The following NCOA7 variants were observed in gnomAD, a reference collection of about 807,000 sequenced individuals.
NCOA7 encodes the protein 140 kDa estrogen receptor-associated protein.
Under a neutral mutation model 104.3 loss-of-function variants are expected in NCOA7, and 45 were observed. The observed-to-expected ratio is 0.43, with a 90% confidence interval of 0.34 to 0.55. The LOEUF (loss-of-function observed/expected upper bound fraction) is 0.55. Among genes scored for constraint, NCOA7 ranks in the 20% least tolerant of loss-of-function variants. NCOA7 has a pLI of 0.02. For synonymous variants in NCOA7, 398 were observed against 402.3 expected (o/e 0.99, Z 0.13); for missense variants, 1,041 against 1,119.7 (o/e 0.93, Z 1.00).
intron 3 of NCOA7, among the ~76,000 whole-genome samples, chr6:125,874,249 C>T (rs1199909380): frequency 2.0e-5 from 3 of 152,122 alleles, no homozygotes; most frequent in Non-Finnish European, 4.4e-5. Flanking sequence ...TGCTTGAACC[C>T]GGGAGACAGA....
At chr6:125,811,635 G>C (rs1213968470) in intron 1 of NCOA7, among the ~76,000 whole-genome samples, 1 of 152,082 alleles carries the variant, frequency 6.6e-6, no homozygotes, top group African/African-American at 2.4e-5. Flanking sequence ...AGACGCCCAG[G>C]GGGTTCAAAC....
Position 125,928,678 on chromosome 6 carries a change from A to G in NCOA7, c.2736A>G (p.Gly912=), listed in dbSNP as rs1788262666. 1.9e-6 allele frequency: 3 copies of G among 1,613,188 alleles called. No individual in the cohort carries two copies. Among genetic ancestry groups the G allele is most frequent in the Non-Finnish European group, 2.5e-6 (3 of 1,179,824 alleles). ...GLWLDADLYH[G]RSNSCSTFNN... is the part of the protein sequence containing the mutation. Reference sequence around the variant, plus strand: ...GGCTAGATGCTGATTTATACCACGGACGAAGCAACTCTTGCAGCACTTTCA... The same window carrying G: ...GGCTAGATGCTGATTTATACCACGGGCGAAGCAACTCTTGCAGCACTTTCA... The change falls in exon 16 of 16, where the codon GGA becomes GGG. Residue 912 remains glycine (G), a synonymous_variant. Coordinates refer to ENST00000392477, the MANE Select transcript of NCOA7 (RefSeq NM_181782.5).
At chr6:125,902,562 A>G (rs1461420250) in intron 10 of NCOA7, among the ~76,000 whole-genome samples, 1 of 152,072 alleles carries the variant, frequency 6.6e-6, no homozygotes, top group African/African-American at 2.4e-5. Flanking sequence ...AATCTTGTTC[A>G]ATAAACTAGA....
At chr6:125,851,597 T>G (rs1250937170) in intron 2 of NCOA7, among the ~76,000 whole-genome samples, 1 of 152,240 alleles carries the variant, frequency 6.6e-6, no homozygotes, top group Non-Finnish European at 1.5e-5. Flanking sequence ...TGACTGTTTT[T>G]CCTTTGGGTA....
intron 1 of NCOA7, among the ~76,000 whole-genome samples, chr6:125,807,895 T>G (rs148373594): frequency 5.8e-4 from 88 of 152,370 alleles, no homozygotes; most frequent in African/African-American, 2.0e-3. Context: ...AGTGATTTCC[T>G]TTATTCATTT....
intron 2 of NCOA7, among the ~76,000 whole-genome samples, chr6:125,830,271 G>T (rs890031054): frequency 1.6e-4 from 25 of 152,200 alleles, no homozygotes; most frequent in Admixed American, 9.2e-4. Context: ...TTTCCAGGAT[G>T]AGTATCGTAC....
intron 1 of NCOA7, among the ~76,000 whole-genome samples, chr6:125,806,823 C>A (rs1333291685): frequency 6.6e-6 from 1 of 152,106 alleles, no homozygotes; most frequent in Non-Finnish European, 1.5e-5. Context: ...CAAGTACTTT[C>A]CTTTGGGGCA....
intron 2 of NCOA7, among the ~76,000 whole-genome samples, chr6:125,817,530 C>G (rs945999574): frequency 6.6e-6 from 1 of 152,190 alleles, no homozygotes; most frequent in Non-Finnish European, 1.5e-5. Context: ...TGAAGTTTAA[C>G]ATTTTCATGT....
At chr6:125,803,311 CCT>C (rs1375001389) in intron 1 of NCOA7, among the ~76,000 whole-genome samples, 5 of 152,202 alleles carry the variant, frequency 3.3e-5, no homozygotes, top group Admixed American at 2.0e-4. Flanking sequence ...TTTTCATGCC[CCT>C]GTTTCCTGAT....
intron 8 of NCOA7, among the ~76,000 whole-genome samples, chr6:125,885,838 G>A (rs1309825789): frequency 6.6e-6 from 1 of 152,196 alleles, no homozygotes; most frequent in Admixed American, 6.5e-5. Context: ...ACCTTCTCAT[G>A]CTGTGAAGAG....
intron 2 of NCOA7, among the ~76,000 whole-genome samples, chr6:125,854,024 C>T (rs1781350118): frequency 6.6e-6 from 1 of 152,132 alleles, no homozygotes; most frequent in South Asian, 2.1e-4. Flanking sequence ...TATCCATTGC[C>T]CAACATCAAA....
At position 125,926,076 on chromosome 6, in the gene NCOA7, C is replaced by T. The variant is rs373481445; in HGVS notation, c.2524-1587C>T. ...CTGTAATCCCAGCACTTTGGTAGGC[C>T]GAGGCAGGTGGATCACCTGAGGCCA... On this transcript the variant is annotated intron_variant, in intron 13 of 15. Coordinates refer to ENST00000392477, the MANE Select transcript of NCOA7 (RefSeq NM_181782.5). 7.8e-4 allele frequency among the ~76,000 whole-genome samples: 119 copies of T among 152,110 alleles called. 1 individual carries two copies. The highest frequency in any genetic ancestry group is 2.7e-3 in the African/African-American group (114 of 41,502).
intron 1 of NCOA7, among the ~76,000 whole-genome samples, chr6:125,814,053 C>T (rs1400179782): frequency 1.3e-5 from 2 of 152,180 alleles, no homozygotes; most frequent in East Asian, 3.8e-4. Context: ...ACTTATCACA[C>T]TCCCTTTCAT....
intron 1 of NCOA7, among the ~76,000 whole-genome samples, chr6:125,792,672 C>G (rs375565657): frequency 2.1e-4 from 32 of 151,960 alleles, no homozygotes; most frequent in Non-Finnish European, 3.8e-4. Flanking sequence ...ACTGTTTTCT[C>G]CTCGGTATAG....
chr6:125,802,779 A>G (rs1019114902), intron 1 of NCOA7, among the ~76,000 whole-genome samples: 1 of 152,266 alleles, frequency 6.6e-6, no homozygotes, highest in Non-Finnish European at 1.5e-5. Context: ...CCTTAAAAAG[A>G]AAAAGAACGT....
chr6:125,822,935 CAAAAAAAAAA>C (rs1361583039), intron 2 of NCOA7, among the ~76,000 whole-genome samples: 1 of 55,588 alleles, frequency 1.8e-5, no homozygotes, highest in Non-Finnish European at 3.7e-5. Context: ...ACTCCATCTC[CAAAAAAAAAA>C]AAAAACAACA....
In NCOA7 at chr6:125,876,590, TGTA is replaced by T. The variant is rs139620310; in HGVS notation, c.351+1625_351+1627del. 3.1e-3 allele frequency among the ~76,000 whole-genome samples: 459 copies of T among 148,348 alleles called. 3 individuals are homozygous for T. Among genetic ancestry groups the T allele is most frequent in the African/African-American group, 0.011 (446 of 40,278 alleles). ...ACTTCATATAGTATATACTGAATAA[TGTA>T]GTGACAGTAAAAAAAAAAAAAAAAA... On this transcript the variant is annotated intron_variant, in intron 4 of 15. Transcript: ENST00000392477.
chr6:125,924,984 C>T (rs903183680), intron 13 of NCOA7, among the ~76,000 whole-genome samples: 1 of 152,172 alleles, frequency 6.6e-6, no homozygotes, highest in African/African-American at 2.4e-5. Flanking sequence ...ACCCACCCTC[C>T]ACTCACAGAG....
At chr6:125,800,081 G>A (rs1371844755) in intron 1 of NCOA7, among the ~76,000 whole-genome samples, 1 of 152,158 alleles carries the variant, frequency 6.6e-6, no homozygotes, top group African/African-American at 2.4e-5. Context: ...TTTATAATAG[G>A]GGGCTAGTAA....
Sources: allele counts gnomAD v4.1 joint callset (sites outside exome capture counted in the v4.1 genomes callset), GRCh38; gene constraint gnomAD v4.1.1; transcripts MANE v1.5; gene names NCBI Gene and HGNC (gene_info 2026-07-23, HGNC 2026-07-21).